ARHGEF10: variants seen among roughly 807,000 people sequenced by gnomAD.
ARHGEF10 encodes Rho guanine nucleotide exchange factor 10, also known as Rho guanine nucleotide exchange factor (GEF) 10.
Under a neutral mutation model 147.4 loss-of-function variants are expected in ARHGEF10, and 140 were observed. The ratio of observed to expected loss-of-function variants is 0.95; its 90% confidence interval spans 0.83 to 1.09. The LOEUF (loss-of-function observed/expected upper bound fraction) is 1.09, where lower values mean the gene tolerates loss of function less well. ARHGEF10 is among the 50% of genes least tolerant of loss of function. The pLI is 0.00. For missense variants in ARHGEF10, 2,222 were observed against 1,752.7 expected (o/e 1.27, Z -4.78); for synonymous variants, 902 against 695.8 (o/e 1.30, Z -4.67).
intron 26 of ARHGEF10, among the ~76,000 whole-genome samples, chr8:1,944,089 C>G (rs13254694): frequency 0.41 from 45,510 of 111,006 alleles, 7,355 homozygotes; most frequent in Admixed American, 0.46. Context: ...TCACCTCCCT[C>G]GGGACCCCAG....
chr8:1,823,624 G>C (rs1802538341), upstream of ARHGEF10, among the ~76,000 whole-genome samples: 1 of 151,916 alleles, frequency 6.6e-6, no homozygotes, highest in African/African-American at 2.4e-5. Context: ...TGTTGGGGGC[G>C]GGGAGGGCAC....
At chr8:1,892,328 T>TGTGTGTGTGTGTGTG (rs1563244756) in intron 11 of ARHGEF10, among the ~76,000 whole-genome samples, 4 of 142,342 alleles carry the variant, frequency 2.8e-5, no homozygotes, top group East Asian at 2.2e-4. Flanking sequence ...TGTGTGTGTG[T>TGTGTGTGTGTGTGTG]TTAATCCCAG....
chr8:1,933,203 A>G (rs780079718), intron 25 of ARHGEF10, among the ~76,000 whole-genome samples: 1 of 152,328 alleles, frequency 6.6e-6, no homozygotes, highest in South Asian at 2.1e-4. Context: ...TTGATTTCTT[A>G]AAGTATTCTG....
chr8:1,900,096 T>A (rs554723986), intron 15 of ARHGEF10, among the ~76,000 whole-genome samples: 43 of 152,390 alleles, frequency 2.8e-4, no homozygotes, highest in African/African-American at 1.0e-3. Flanking sequence ...CTAAATTTTT[T>A]AAATTTATTA....
At chr8:1,875,856 G>C (rs1807652447) in intron 7 of ARHGEF10, among the ~76,000 whole-genome samples, 1 of 152,192 alleles carries the variant, frequency 6.6e-6, no homozygotes, top group Non-Finnish European at 1.5e-5. Context: ...TTGTTACAGT[G>C]AATGACTGTG....
intron 7 of ARHGEF10, among the ~76,000 whole-genome samples, chr8:1,874,642 C>G (rs1298092812): frequency 5.3e-5 from 8 of 151,662 alleles, no homozygotes; most frequent in African/African-American, 1.5e-4. Flanking sequence ...GCTGGAGGAA[C>G]AGTGCAGACA....
intron 1 of ARHGEF10, among the ~76,000 whole-genome samples, chr8:1,827,565 C>T (rs1802842618): frequency 6.6e-6 from 1 of 152,228 alleles, no homozygotes. Context: ...CTCAGCCTCC[C>T]AAAGCGCTGG....
At position 1,952,730 on chromosome 8, in the gene ARHGEF10, C is replaced by G. The variant is rs866387389; in HGVS notation, c.3423C>G (p.Ser1141Arg). ...GGCACCAGCGGCTGTCGGTGACGAG[C>G]CTGCTCGTCTGCCACGGATTGCTGA... ...LPGHQRLSVT[S>R]LLVCHGLLMV... The change falls in exon 28 of 29, where the codon AGC becomes AGG. Residue 1141 changes from serine to arginine, a missense_variant. Transcript: ENST00000349830. 1.2e-6 allele frequency: 2 copies of G among 1,613,266 alleles called. No individual in the cohort carries two copies. The highest frequency in any genetic ancestry group is 1.7e-4 in the Middle Eastern group (1 of 6,052).
intron 27 of ARHGEF10, among the ~76,000 whole-genome samples, chr8:1,946,171 A>C (rs1005666754): frequency 3.9e-5 from 6 of 152,182 alleles, no homozygotes; most frequent in Non-Finnish European, 8.8e-5. Flanking sequence ...ATCATCCTAC[A>C]ACAGGATGGA....
At chr8:1,879,860 T>A (rs1467013583) in intron 8 of ARHGEF10, among the ~76,000 whole-genome samples, 188 bp from the exon 9 acceptor site, 1 of 152,108 alleles carries the variant, frequency 6.6e-6, no homozygotes, top group Non-Finnish European at 1.5e-5. Context: ...GCCAACTATT[T>A]GTGCATTTAT....
intron 11 of ARHGEF10, among the ~76,000 whole-genome samples, chr8:1,892,672 G>A (rs1022075877): frequency 3.9e-5 from 5 of 128,872 alleles, no homozygotes; most frequent in South Asian, 5.8e-4. Context: ...GTGCGCGCAC[G>A]TGTGTGTTAT....
intron 2 of ARHGEF10, among the ~76,000 whole-genome samples, chr8:1,843,921 G>T (rs1437364803): frequency 6.6e-6 from 1 of 152,228 alleles, no homozygotes; most frequent in African/African-American, 2.4e-5. Flanking sequence ...GCCTGCTGAT[G>T]AAAGATTTAT....
At chr8:1,864,565 A>C in intron 5 of ARHGEF10, 129 bp downstream of exon 5, 5 of 893,208 alleles carry the variant, frequency 5.6e-6, no homozygotes, top group South Asian at 1.3e-5. Context: ...TCCCAACCCC[A>C]CCTCCTGCCT....
intron 4 of ARHGEF10, among the ~76,000 whole-genome samples, chr8:1,863,914 C>T (rs1002290570): frequency 1.3e-5 from 2 of 151,908 alleles, no homozygotes; most frequent in South Asian, 4.2e-4. Context: ...CGTAACCACT[C>T]CTCTCTTGAA....
chr8:1,944,100 C>T (rs1814342678), intron 26 of ARHGEF10, among the ~76,000 whole-genome samples: 1 of 151,454 alleles, frequency 6.6e-6, no homozygotes, highest in African/African-American at 2.4e-5. Context: ...GGGACCCCAG[C>T]CTCCCGCACT....
At chr8:1,928,929 G>T (rs1483996493) in intron 24 of ARHGEF10, among the ~76,000 whole-genome samples, 3 of 152,124 alleles carry the variant, frequency 2.0e-5, no homozygotes, top group Non-Finnish European at 4.4e-5. Context: ...TATATTAATG[G>T]TTTTGAAAAG....
chr8:1,915,293 G>C (rs1296719157), intron 18 of ARHGEF10, among the ~76,000 whole-genome samples: 1 of 152,254 alleles, frequency 6.6e-6, no homozygotes, highest in Non-Finnish European at 1.5e-5. Flanking sequence ...GGCATCTGAA[G>C]TGAATGGAGC....
intron 27 of ARHGEF10, 58 bp downstream of exon 27, chr8:1,945,713 G>C: frequency 3.1e-6 from 5 of 1,606,594 alleles, no homozygotes; most frequent in Non-Finnish European, 4.3e-6. Flanking sequence ...GACGTGGGGG[G>C]TGCGGAGCGC....
At chr8:1,855,880 C>A (rs1246791380) in intron 2 of ARHGEF10, among the ~76,000 whole-genome samples, 1 of 151,974 alleles carries the variant, frequency 6.6e-6, no homozygotes, top group South Asian at 2.1e-4. Flanking sequence ...AAGGTATTCA[C>A]CAGTTCATTT....
Sources: gnomAD v4.1 joint callset for allele counts (sites outside exome capture counted in the v4.1 genomes callset) on GRCh38, gnomAD v4.1.1 for gene constraint, MANE v1.5 for transcripts, NCBI Gene and HGNC (gene_info 2026-07-23, HGNC 2026-07-21) for gene names.